The following TRPM3 variants were observed in gnomAD, a reference collection of about 807,000 sequenced individuals.
TRPM3 encodes the protein long transient receptor potential channel 3.
A neutral mutation model predicts 181.2 loss-of-function variants in TRPM3; 77 were observed. The ratio of observed to expected loss-of-function variants is 0.42; its 90% CI spans 0.35 to 0.51. The LOEUF (loss-of-function observed/expected upper bound fraction) is 0.51. Among genes scored for constraint, TRPM3 ranks in the 20% least tolerant of loss-of-function variants. The pLI is 0.01. For synonymous variants in TRPM3, 745 were observed against 796.4 expected (o/e 0.94, Z 1.09); for missense variants, 1,759 against 2,196.7 (o/e 0.80, Z 3.98).
rs149427239 is a variant in TRPM3 at position 71,132,753 on chromosome 9, A to G, written c.184-268242T>C. Among the ~76,000 whole-genome samples the G allele has an allele frequency of 2.1e-3, 326 of 152,338 alleles. 1 individual carries two copies. The highest frequency in any genetic ancestry group is 7.5e-3 in the African/African-American group (310 of 41,578). On this transcript the variant is annotated intron_variant, in intron 1 of 24. Coordinates refer to the TRPM3 transcript ENST00000357533. ...AACTGTTGATGTAATTTTTAGAAAT[A>G]TTACCAAGTATTTTAAAAATTATAC...
intron 17 of TRPM3, among the ~76,000 whole-genome samples, chr9:70,618,343 T>C (rs2133158291): frequency 6.6e-6 from 1 of 152,382 alleles, no homozygotes; most frequent in East Asian, 1.9e-4. Context: ...CAGTGGTCTG[T>C]GACTTGTTTT....
intron 1 of TRPM3, among the ~76,000 whole-genome samples, chr9:71,371,524 G>A (rs547966203): frequency 5.9e-5 from 9 of 152,318 alleles, no homozygotes; most frequent in African/African-American, 2.2e-4. Flanking sequence ...GGAGCTTGAT[G>A]ATGTGACTGA....
intron 1 of TRPM3, among the ~76,000 whole-genome samples, chr9:71,100,252 G>A (rs1289275252): frequency 1.3e-5 from 2 of 152,100 alleles, no homozygotes; most frequent in Non-Finnish European, 2.9e-5. Flanking sequence ...CTCTGAGGGA[G>A]ATTTGAAGAT....
intron 1 of TRPM3, among the ~76,000 whole-genome samples, chr9:70,968,339 G>C: frequency 6.6e-6 from 1 of 152,164 alleles, no homozygotes. Context: ...CAATGAATAG[G>C]TACTGAAGAC....
At chr9:71,131,373 A>G (rs951125547) in intron 1 of TRPM3, among the ~76,000 whole-genome samples, 7 of 152,036 alleles carry the variant, frequency 4.6e-5, no homozygotes, top group Non-Finnish European at 8.8e-5. Context: ...TTCTTCCTGT[A>G]CTTTTCAGAA....
At chr9:71,413,430 A>G (rs1307077882) in intron 1 of TRPM3, among the ~76,000 whole-genome samples, 1 of 152,060 alleles carries the variant, frequency 6.6e-6, no homozygotes, top group Non-Finnish European at 1.5e-5. Flanking sequence ...TGACTCCCAA[A>G]GTCATAAGAT....
At chr9:71,351,255 C>A (rs2091605765) in intron 1 of TRPM3, among the ~76,000 whole-genome samples, 1 of 152,150 alleles carries the variant, frequency 6.6e-6, no homozygotes, top group Non-Finnish European at 1.5e-5. Flanking sequence ...GGCTAACCAG[C>A]TACTATCTAT....
At chr9:71,365,576 C>T (rs74386499) in intron 1 of TRPM3, among the ~76,000 whole-genome samples, 2,857 of 152,184 alleles carry the variant, frequency 0.019, 28 homozygotes, top group Middle Eastern at 0.034. Flanking sequence ...AGCAAAAAAA[C>T]TGTCCCTTGA....
intron 8 of TRPM3, among the ~76,000 whole-genome samples, chr9:70,741,293 T>G (rs1488368854): frequency 6.6e-6 from 1 of 152,092 alleles, no homozygotes; most frequent in Non-Finnish European, 1.5e-5. Flanking sequence ...ATGGCCAAAA[T>G]CAAGATTTTA....
At chr9:70,966,759 A>C (rs915639426) in intron 1 of TRPM3, among the ~76,000 whole-genome samples, 2 of 151,970 alleles carry the variant, frequency 1.3e-5, no homozygotes, top group African/African-American at 4.8e-5. Flanking sequence ...GAGGAGGGAA[A>C]GGATCAGGAA....
chr9:71,071,836 G>A (rs2062805988), intron 1 of TRPM3, among the ~76,000 whole-genome samples: 1 of 152,188 alleles, frequency 6.6e-6, no homozygotes, highest in Admixed American at 6.5e-5. Context: ...GAGGATGCAG[G>A]TGGAGCCTCT....
At chr9:71,173,108 C>T (rs766522652) in intron 1 of TRPM3, among the ~76,000 whole-genome samples, 4 of 152,138 alleles carry the variant, frequency 2.6e-5, no homozygotes, top group Admixed American at 6.6e-5. Flanking sequence ...GCCTTATGTA[C>T]CTAATTTTTT....
At chr9:70,790,334 G>C (rs570458217) in intron 6 of TRPM3, among the ~76,000 whole-genome samples, 1 of 152,144 alleles carries the variant, frequency 6.6e-6, no homozygotes, top group Non-Finnish European at 1.5e-5. Context: ...AAGGGGATTT[G>C]CACTTTAAGT....
chr9:71,262,458 G>T lies in TRPM3; in HGVS notation c.183+184195C>A, dbSNP rs71505933. Among the ~76,000 whole-genome samples the T allele has an allele frequency of 7.0e-3, 1,066 of 152,290 alleles. 7 individuals carry two copies. Among genetic ancestry groups the T allele is most frequent in the Non-Finnish European group, 0.013 (852 of 68,018 alleles). ...GGATCTTAGCTTGCTGGGCTCTGTG[G>T]GGGTGGGATCTGCTTAGCAAGACAA... On this transcript the variant is annotated intron_variant, in intron 1 of 24. Transcript: ENST00000357533.
At chr9:70,686,544 T>C (rs966248973) in intron 8 of TRPM3, among the ~76,000 whole-genome samples, 3 of 152,046 alleles carry the variant, frequency 2.0e-5, no homozygotes, top group African/African-American at 7.2e-5. Context: ...CTGTTCATAG[T>C]GTATACTTTT....
chr9:70,852,084 A>G (rs189161958), intron 3 of TRPM3, among the ~76,000 whole-genome samples: 92 of 132,130 alleles, frequency 7.0e-4, no homozygotes, highest in Middle Eastern at 4.7e-3. Flanking sequence ...ACGCCACTGC[A>G]CCACTGCACT....
At chr9:70,638,512 T>C (rs1302534153) in intron 11 of TRPM3, among the ~76,000 whole-genome samples, 1 of 152,140 alleles carries the variant, frequency 6.6e-6, no homozygotes, top group African/African-American at 2.4e-5. Flanking sequence ...GATTACTCCT[T>C]GGTATCCCTA....
intron 1 of TRPM3, among the ~76,000 whole-genome samples, chr9:71,239,727 T>C (rs1037411609): frequency 2.0e-5 from 3 of 152,152 alleles, no homozygotes; most frequent in African/African-American, 7.2e-5. Context: ...CTACAATATG[T>C]GCTTCTTAGA....
intron 1 of TRPM3, among the ~76,000 whole-genome samples, chr9:70,959,952 C>T (rs1322149830): frequency 6.6e-6 from 1 of 152,118 alleles, no homozygotes; most frequent in African/African-American, 2.4e-5. Context: ...AGTAACTATA[C>T]TGATGATAAG....
Sources: gnomAD v4.1 joint callset for allele counts (sites outside exome capture counted in the v4.1 genomes callset) on GRCh38, gnomAD v4.1.1 for gene constraint, MANE v1.5 for transcripts, NCBI Gene and HGNC (gene_info 2026-07-23, HGNC 2026-07-21) for gene names.